STOX2: variants seen among roughly 807,000 people sequenced by gnomAD.
The protein encoded by STOX2 is storkhead box 2, also known as storkhead-box protein 2.
In STOX2, 28 loss-of-function variants were observed where a neutral mutation model predicts 60.9. The observed-to-expected ratio is 0.46, with a 90% CI of 0.34 to 0.63. The LOEUF is 0.63. Among genes scored for constraint, STOX2 ranks in the 30% least tolerant of loss-of-function variants. The pLI is 0.01. For missense variants in STOX2, 1,024 were observed against 1,187.7 expected, an observed-to-expected ratio of 0.86 and a Z score of 2.03; for synonymous variants, 472 against 463.9, an observed-to-expected ratio of 1.02 and a Z score of -0.22.
intron 1 of STOX2, among the ~76,000 whole-genome samples, chr4:183,973,801 C>G (rs887049019): frequency 1.3e-5 from 2 of 152,176 alleles, no homozygotes; most frequent in African/African-American, 4.8e-5. Context: ...CGAGACCATC[C>G]TGGCTAACAT....
intron 1 of STOX2, among the ~76,000 whole-genome samples, chr4:183,855,124 A>G (rs546721109): frequency 1.9e-3 from 288 of 152,388 alleles, no homozygotes; most frequent in Middle Eastern, 3.4e-3. Flanking sequence ...AGGTGCAAAT[A>G]ACAGAATTAA....
At chr4:183,949,590 C>T (rs1490542211) in intron 1 of STOX2, among the ~76,000 whole-genome samples, 3 of 152,074 alleles carry the variant, frequency 2.0e-5, no homozygotes, top group Non-Finnish European at 4.4e-5. Context: ...CCCAGCTACT[C>T]AGGAGGCTGA....
rs1199639914 is a variant in STOX2, at chr4:183,821,850, G to C, written c.364+23795G>C. On this transcript the variant is annotated intron_variant, in intron 1 of 2. Transcript: ENST00000513034. The surrounding 1 kb of genome is among the most constrained non-coding windows in gnomAD (Gnocchi z 4.2). ...CCTGCCCCAGGTTTGTGAGTCTGTA[G>C]GGTGGGGTTCTAGTCACAGAGTTGG... Among the ~76,000 whole-genome samples the C allele has an allele frequency of 6.6e-6, 1 of 152,250 alleles. No homozygotes were observed. The highest frequency in any genetic ancestry group is 1.5e-5 in the Non-Finnish European group (1 of 68,044).
intron 1 of STOX2, among the ~76,000 whole-genome samples, chr4:184,000,295 T>C (rs1284801886): frequency 6.6e-6 from 1 of 152,172 alleles, no homozygotes; most frequent in Non-Finnish European, 1.5e-5. Context: ...GACAGATATT[T>C]GCATTGTAGG....
rs571779213 is a variant in STOX2, at chr4:183,864,177, G to A, written c.364+66122G>A. ...AGGTAAACGAGGCTGTTTACTGCAG[G>A]ACTTCTCATGCCTTTACTATCCTAA... On this transcript the variant is annotated intron_variant, in intron 1 of 2. Transcript: ENST00000513034. Among the ~76,000 whole-genome samples the A allele has an allele frequency of 1.7e-3, 252 of 152,194 alleles. 1 individual carries two copies. Among genetic ancestry groups the A allele is most frequent in the African/African-American group, 5.9e-3 (244 of 41,522 alleles).
chr4:183,891,574 A>G (rs193022048), intron 1 of STOX2, among the ~76,000 whole-genome samples: 1 of 151,728 alleles, frequency 6.6e-6, no homozygotes, highest in Admixed American at 6.6e-5. Context: ...GTAAAGGTAT[A>G]AGAATGATAC....
chr4:183,976,929 T>C (rs766017840), intron 1 of STOX2, among the ~76,000 whole-genome samples: 3 of 152,216 alleles, frequency 2.0e-5, no homozygotes, highest in Non-Finnish European at 4.4e-5. Flanking sequence ...TGATTGACCA[T>C]ATAGATAATC....
rs1319478787 is a variant in STOX2, at chr4:183,950,863, G to A, written c.166+43907G>A. Among the ~76,000 whole-genome samples, 5 of 152,304 alleles carry A rather than the reference G, an allele frequency of 3.3e-5. No homozygotes were observed. In the East Asian group the frequency reaches 9.7e-4, roughly 29 times the overall value. ...AGAGATGGAGTTAGGGATGTTCACT[G>A]GGGTCAGAGCAGAAAGCCCCCACAA... is the stretch of plus-strand genomic sequence containing the variant. On this transcript the variant is annotated intron_variant, in intron 1 of 3. Coordinates refer to ENST00000308497, the MANE Select transcript of STOX2 (RefSeq NM_020225.3).
At chr4:183,922,727 G>A (rs1742138525) in intron 1 of STOX2, among the ~76,000 whole-genome samples, 1 of 152,116 alleles carries the variant, frequency 6.6e-6, no homozygotes, top group African/African-American at 2.4e-5. Context: ...ACATCAGGGT[G>A]TATCCTGGGA....
chr4:183,813,835 A>G (rs1296915943), intron 1 of STOX2, among the ~76,000 whole-genome samples: 4 of 152,348 alleles, frequency 2.6e-5, no homozygotes, highest in Admixed American at 2.0e-4. Flanking sequence ...TGACAAGGGT[A>G]AAATAAATCT....
At chr4:183,874,953 ATATATATATATATATATATATATAT>A (rs1740790467) in intron 1 of STOX2, among the ~76,000 whole-genome samples, 2 of 24,610 alleles carry the variant, frequency 8.1e-5, no homozygotes, top group Non-Finnish European at 1.4e-4. Flanking sequence ...AAAAAAAAAA[ATATATATATATATATATATATATAT>A]ATATATATAT....
At chr4:183,969,306 G>GT (rs1743669952) in intron 1 of STOX2, among the ~76,000 whole-genome samples, 1 of 152,150 alleles carries the variant, frequency 6.6e-6, no homozygotes, top group Non-Finnish European at 1.5e-5. Context: ...ATGCAGCATG[G>GT]TTTTTTATTA....
intron 1 of STOX2, among the ~76,000 whole-genome samples, chr4:183,837,306 A>G (rs999630423): frequency 6.6e-6 from 1 of 152,146 alleles, no homozygotes; most frequent in Non-Finnish European, 1.5e-5. Flanking sequence ...ATCTATACCT[A>G]TTAAATAAGA....
intron 1 of STOX2, among the ~76,000 whole-genome samples, chr4:183,832,486 C>CTTTT (rs57764548): frequency 6.8e-5 from 5 of 74,074 alleles, no homozygotes; most frequent in African/African-American, 1.5e-4. Context: ...ATAACCGACT[C>CTTTT]TTTTTTTTTT....
intron 1 of STOX2, among the ~76,000 whole-genome samples, chr4:183,855,808 C>T (rs185438113): frequency 5.3e-5 from 8 of 152,316 alleles, no homozygotes; most frequent in Admixed American, 5.2e-4. Flanking sequence ...GTTAATGATT[C>T]GTCTGGAAGC....
At chr4:183,814,682 A>G (rs1739110121) in intron 1 of STOX2, among the ~76,000 whole-genome samples, 1 of 152,260 alleles carries the variant, frequency 6.6e-6, no homozygotes. Flanking sequence ...GCAGACAACC[A>G]GAGCCTGGCA....
chr4:183,952,956 CAT>C (rs1743136385), intron 1 of STOX2, among the ~76,000 whole-genome samples: 1 of 152,084 alleles, frequency 6.6e-6, no homozygotes, highest in Non-Finnish European at 1.5e-5. Context: ...CCAAACACCA[CAT>C]GTTCTCACTC....
At chr4:183,940,047 C>T (rs995370790) in intron 1 of STOX2, among the ~76,000 whole-genome samples, 1 of 152,178 alleles carries the variant, frequency 6.6e-6, no homozygotes, top group Non-Finnish European at 1.5e-5. Flanking sequence ...GAATTACAGG[C>T]GTCCGCCACC....
chr4:183,977,759 C>A (rs1487011085), intron 1 of STOX2, among the ~76,000 whole-genome samples: 1 of 152,164 alleles, frequency 6.6e-6, no homozygotes, highest in Non-Finnish European at 1.5e-5. Flanking sequence ...TTTGAGAAAT[C>A]ACCATACTAT....
Sources: allele counts gnomAD v4.1 joint callset (sites outside exome capture counted in the v4.1 genomes callset), GRCh38; gene constraint gnomAD v4.1.1; non-coding constraint Gnocchi (gnomAD v3.1); transcripts MANE v1.5; gene names NCBI Gene and HGNC (gene_info 2026-07-23, HGNC 2026-07-21).